Variants in CCSER1 observed in about 807,000 individuals in gnomAD.
CCSER1 encodes the protein serine-rich coiled-coil domain-containing protein 1.
Under a neutral mutation model 82.0 loss-of-function variants are expected in CCSER1, and 41 were observed. That is an observed-to-expected ratio of 0.50 (90% CI 0.39 to 0.65). CCSER1 has a LOEUF of 0.65. Among genes scored for constraint, CCSER1 ranks in the 30% least tolerant of loss-of-function variants. CCSER1 has a pLI of 0.00. For synonymous variants in CCSER1, 414 were observed against 383.9 expected (o/e 1.08, Z -0.92); for missense variants, 1,119 against 1,064.2 (o/e 1.05, Z -0.72).
intron 1 of CCSER1, among the ~76,000 whole-genome samples, chr4:90,284,391 A>G (rs193090177): frequency 6.6e-6 from 1 of 152,130 alleles, no homozygotes; most frequent in Non-Finnish European, 1.5e-5. Flanking sequence ...CTTACTCAAG[A>G]AATATTTGCC....
At chr4:91,153,276 A>C (rs11722821) in intron 10 of CCSER1, among the ~76,000 whole-genome samples, 36 of 151,824 alleles carry the variant, frequency 2.4e-4, no homozygotes, top group African/African-American at 8.2e-4. Context: ...TCAATTACTG[A>C]TACCCTTTCT....
chr4:90,195,790 AT>A (rs1175085165), intron 1 of CCSER1, among the ~76,000 whole-genome samples: 1 of 152,146 alleles, frequency 6.6e-6, no homozygotes, highest in Non-Finnish European at 1.5e-5. Context: ...TACGTTTGGC[AT>A]TTTAGTCTAA....
chr4:90,657,352 C>T (rs889505107), intron 6 of CCSER1, among the ~76,000 whole-genome samples: 1 of 152,150 alleles, frequency 6.6e-6, no homozygotes, highest in Non-Finnish European at 1.5e-5. Flanking sequence ...TTTTCTTTGG[C>T]TTTTTGTAGT....
intron 8 of CCSER1, among the ~76,000 whole-genome samples, chr4:90,909,313 C>T (rs1434864855): frequency 1.3e-5 from 2 of 152,058 alleles, no homozygotes; most frequent in Non-Finnish European, 1.5e-5. Flanking sequence ...GTCACATTCA[C>T]GGGCTCCAAG....
rs56142832 is a variant in CCSER1 at position 91,509,375 on chromosome 4, G to A, written c.2218-89197G>A. Among the ~76,000 whole-genome samples, 299 of 151,790 alleles carry A rather than the reference G, an allele frequency of 2.0e-3. 1 individual carries two copies. Among genetic ancestry groups the A allele is most frequent in the African/African-American group, 6.7e-3 (279 of 41,424 alleles). On this transcript the variant is annotated intron_variant, in intron 10 of 10. Coordinates refer to ENST00000509176, the MANE Select transcript of CCSER1 (RefSeq NM_001145065.2). The stretch of plus-strand genomic sequence containing the variant: ...TATAACTGTGTTATTTAATTTCCAC[G>A]CATTTGTAAATTCCTCAATTTTTCT...
chr4:91,268,439 T>C (rs7694618), intron 10 of CCSER1, among the ~76,000 whole-genome samples: 85,356 of 152,088 alleles, frequency 0.56, 25,024 homozygotes, highest in African/African-American at 0.76. Context: ...TCATTTCATG[T>C]AGTTTCCCTT....
intron 10 of CCSER1, among the ~76,000 whole-genome samples, chr4:91,148,142 G>A (rs1377893999): frequency 6.6e-6 from 1 of 152,142 alleles, no homozygotes; most frequent in Non-Finnish European, 1.5e-5. Context: ...TTATGATAAT[G>A]CAATATATGT....
In CCSER1 at chr4:91,097,788, A is replaced by G. The variant is rs190172904; in HGVS notation, c.2217+11794A>G. ...GGATTGCAAGTACAGATAGATTCTTATAGACACTTAGGAAAAAAGTGTACA... is the reference window on the plus strand; with the variant it reads ...GGATTGCAAGTACAGATAGATTCTTGTAGACACTTAGGAAAAAAGTGTACA... On this transcript the variant is annotated intron_variant, in intron 10 of 10. Coordinates refer to ENST00000509176, the MANE Select transcript of CCSER1 (RefSeq NM_001145065.2). Among the ~76,000 whole-genome samples, 53 of 152,306 alleles carry G rather than the reference A, an allele frequency of 3.5e-4. No homozygotes were observed. The East Asian group carries it at 0.01, about 29-fold the overall frequency.
intron 7 of CCSER1, among the ~76,000 whole-genome samples, chr4:90,802,002 G>A (rs948856600): frequency 6.6e-6 from 1 of 151,828 alleles, no homozygotes; most frequent in East Asian, 1.9e-4. Context: ...GGTGGATCAC[G>A]AGGTCAGTAG....
intron 10 of CCSER1, among the ~76,000 whole-genome samples, chr4:91,504,409 G>A (rs1396669442): frequency 2.0e-5 from 3 of 151,978 alleles, no homozygotes; most frequent in South Asian, 2.1e-4. Flanking sequence ...AGCATAATAG[G>A]AGGTATAGGA....
chr4:90,155,121 G>T (rs557215565), intron 1 of CCSER1, among the ~76,000 whole-genome samples: 4 of 152,098 alleles, frequency 2.6e-5, no homozygotes, highest in Admixed American at 6.5e-5. Context: ...GGCCTTTTCC[G>T]CATCTATTGA....
At chr4:91,589,932 T>C (rs1764187777) in intron 10 of CCSER1, among the ~76,000 whole-genome samples, 1 of 151,882 alleles carries the variant, frequency 6.6e-6, no homozygotes, top group African/African-American at 2.4e-5. Context: ...ACACATACAT[T>C]AGTGTTAAAG....
At chr4:91,082,155 C>T (rs1023421186) in intron 9 of CCSER1, among the ~76,000 whole-genome samples, 1 of 152,210 alleles carries the variant, frequency 6.6e-6, no homozygotes, top group Non-Finnish European at 1.5e-5. Context: ...TGCTACCTGA[C>T]TTCAAAGTAT....
intron 4 of CCSER1, among the ~76,000 whole-genome samples, chr4:90,441,805 A>G (rs1467478109): frequency 6.6e-6 from 1 of 152,252 alleles, no homozygotes; most frequent in Non-Finnish European, 1.5e-5. Flanking sequence ...AGAAATAACT[A>G]ATCTCTGATG....
intron 4 of CCSER1, among the ~76,000 whole-genome samples, chr4:90,448,160 T>C (rs2096778355): frequency 6.6e-6 from 1 of 152,008 alleles, no homozygotes. Flanking sequence ...TTCTGGACTC[T>C]AGGATATCAG....
chr4:90,751,544 A>G (rs1440024826), intron 7 of CCSER1, among the ~76,000 whole-genome samples: 2 of 152,242 alleles, frequency 1.3e-5, no homozygotes, highest in Admixed American at 6.5e-5. Context: ...GATTTAAGAA[A>G]CCAATGAAAA....
At chr4:91,480,985 A>G (rs1045271576) in intron 10 of CCSER1, among the ~76,000 whole-genome samples, 25 of 151,970 alleles carry the variant, frequency 1.6e-4, no homozygotes, top group African/African-American at 5.8e-4. Flanking sequence ...AGAGAGAGTC[A>G]GTCTTAGCCT....
At chr4:90,144,895 T>A (rs1725513205) in intron 1 of CCSER1, among the ~76,000 whole-genome samples, 1 of 152,164 alleles carries the variant, frequency 6.6e-6, no homozygotes, top group Admixed American at 6.5e-5. Flanking sequence ...TCTGTTATTA[T>A]GTAATATTCT....
In CCSER1 at chr4:90,154,018, G is replaced by A. The variant is rs1032602119; in HGVS notation, c.-42+26187G>A. ...GGGTTTTTAAGGTTTTAGGTCTAAC[G>A]TTTAAGTCTTTAATCCACCTTGACT... is the stretch of plus-strand genomic sequence containing the variant. On this transcript the variant is annotated intron_variant, in intron 1 of 10. Transcript: ENST00000509176. 4.1e-4 allele frequency among the ~76,000 whole-genome samples: 62 copies of A among 152,218 alleles called. 1 individual carries two copies. Among genetic ancestry groups the A allele is most frequent in the African/African-American group, 1.2e-3 (51 of 41,528 alleles).
Sources: gnomAD v4.1 joint callset for allele counts (sites outside exome capture counted in the v4.1 genomes callset) on GRCh38, gnomAD v4.1.1 for gene constraint, MANE v1.5 for transcripts, NCBI Gene and HGNC (gene_info 2026-07-23, HGNC 2026-07-21) for gene names.